FAT3: variants seen among roughly 807,000 people sequenced by gnomAD.
FAT3 encodes FAT atypical cadherin 3, also known as protocadherin Fat 3.
Under a neutral mutation model 310.2 loss-of-function variants are expected in FAT3, and 95 were observed. The ratio of observed to expected loss-of-function variants is 0.31; its 90% CI spans 0.26 to 0.36. FAT3 has a LOEUF of 0.36. FAT3 is among the 10% of genes least tolerant of loss of function. The pLI is 1.00. For missense variants in FAT3, 5,408 were observed against 5,715.6 expected (o/e 0.95, Z 1.74); for synonymous variants, 2,314 against 2,192.9 (o/e 1.06, Z -1.54).
At chr11:92,414,067 T>C (rs944086357) in intron 2 of FAT3, among the ~76,000 whole-genome samples, 5 of 152,122 alleles carry the variant, frequency 3.3e-5, no homozygotes, top group African/African-American at 1.2e-4. Context: ...GCGCCCTTCT[T>C]TGGTGGGTTG....
At chr11:92,856,006 G>T (rs1233238933) in intron 19 of FAT3, among the ~76,000 whole-genome samples, 1 of 144,800 alleles carries the variant, frequency 6.9e-6, no homozygotes, top group Non-Finnish European at 1.5e-5. Flanking sequence ...TTTGAGACAG[G>T]GTCTTGTTCT....
chr11:92,394,300 C>T (rs1949811976), intron 2 of FAT3, among the ~76,000 whole-genome samples: 1 of 152,092 alleles, frequency 6.6e-6, no homozygotes, highest in African/African-American at 2.4e-5. Context: ...AAAACCCTGT[C>T]TCTATGAAAA....
chr11:92,538,032 T>C (rs1954317685), intron 3 of FAT3, among the ~76,000 whole-genome samples: 1 of 152,114 alleles, frequency 6.6e-6, no homozygotes, highest in Non-Finnish European at 1.5e-5. Flanking sequence ...TATCTTTCAT[T>C]TGTGAAATTT....
chr11:92,551,263 A>G lies in FAT3; in HGVS notation c.3607+26315A>G, dbSNP rs549771462. Among the ~76,000 whole-genome samples, 222 of 152,106 alleles carry G rather than the reference A, an allele frequency of 1.5e-3. 1 individual carries two copies. The highest frequency in any genetic ancestry group is 2.9e-3 in the Non-Finnish European group (200 of 68,022). ...TACAAGGTTCAAACTTGCATTCTCT[A>G]GGGCTTTCTAAATCTCTCTACTCTG... On this transcript the variant is annotated intron_variant, in intron 3 of 27. Coordinates refer to ENST00000525166, the MANE Select transcript of FAT3 (RefSeq NM_001367949.2).
At chr11:92,742,943 C>A (rs1359379969) in intron 4 of FAT3, among the ~76,000 whole-genome samples, 1 of 151,988 alleles carries the variant, frequency 6.6e-6, no homozygotes, top group Admixed American at 6.6e-5. Context: ...ACACTGGAGG[C>A]TAAGAATAGC....
intron 3 of FAT3, among the ~76,000 whole-genome samples, chr11:92,653,208 A>ATG (rs201405947): frequency 0.017 from 2,240 of 134,680 alleles, 22 homozygotes; most frequent in Non-Finnish European, 0.026. Context: ...ACAAAAGTGT[A>ATG]TGTGTGTGTG....
intron 2 of FAT3, among the ~76,000 whole-genome samples, chr11:92,421,505 C>A (rs1187604624): frequency 6.6e-6 from 1 of 152,152 alleles, no homozygotes; most frequent in Non-Finnish European, 1.5e-5. Flanking sequence ...GTTTTATTGG[C>A]AAGTGACCGT....
intron 2 of FAT3, among the ~76,000 whole-genome samples, chr11:92,508,559 A>G (rs2135300712): frequency 6.6e-6 from 1 of 152,284 alleles, no homozygotes; most frequent in East Asian, 1.9e-4. Context: ...GTTCAAGTCC[A>G]TTCATTACAT....
chr11:92,566,015 T>C (rs1185811599), intron 3 of FAT3, among the ~76,000 whole-genome samples: 5 of 152,156 alleles, frequency 3.3e-5, no homozygotes, highest in African/African-American at 1.2e-4. Flanking sequence ...CTATTCAACA[T>C]AGTCTTGGAA....
chr11:92,387,850 G>A (rs1215145667), intron 2 of FAT3, among the ~76,000 whole-genome samples: 2 of 152,170 alleles, frequency 1.3e-5, no homozygotes, highest in Non-Finnish European at 2.9e-5. Context: ...TCTTCATGCA[G>A]ATCATCTCCT....
chr11:92,544,582 G>A (rs1001503160), intron 3 of FAT3, among the ~76,000 whole-genome samples: 4 of 152,132 alleles, frequency 2.6e-5, no homozygotes, highest in Non-Finnish European at 5.9e-5. Flanking sequence ...GACAAACTGT[G>A]TCTGCCATCA....
chr11:92,555,929 C>T (rs148273590), intron 3 of FAT3, among the ~76,000 whole-genome samples: 281 of 152,250 alleles, frequency 1.8e-3, no homozygotes, highest in Non-Finnish European at 2.9e-3. Context: ...TGGCTTGTGA[C>T]CAGGCAAGGT....
intron 3 of FAT3, among the ~76,000 whole-genome samples, chr11:92,628,847 AAAG>A (rs1476664451): frequency 1.3e-5 from 2 of 152,166 alleles, no homozygotes; most frequent in Admixed American, 6.5e-5. Context: ...GGATCTTCTG[AAAG>A]AAGAAGGGTG....
chr11:92,536,429 G>T (rs1432958854), intron 3 of FAT3, among the ~76,000 whole-genome samples: 4 of 152,064 alleles, frequency 2.6e-5, no homozygotes, highest in African/African-American at 9.7e-5. Flanking sequence ...CAGCTTCTTG[G>T]CCATGTGATG....
Position 92,581,124 on chromosome 11 carries a change from A to G in FAT3, c.3607+56176A>G, listed in dbSNP as rs138082531. The stretch of plus-strand genomic sequence containing the variant: ...TGGCTGTACTTCCCTTGCTTTTGTT[A>G]CAGTCCAAATACAAGTCTGGCCCTC... On this transcript the variant is annotated intron_variant, in intron 3 of 27. Coordinates refer to ENST00000525166, the MANE Select transcript of FAT3 (RefSeq NM_001367949.2). Among the ~76,000 whole-genome samples the G allele has an allele frequency of 1.3e-3, 201 of 152,036 alleles. 3 individuals are homozygous for G. The highest frequency in any genetic ancestry group is 4.7e-3 in the African/African-American group (193 of 41,478).
At chr11:92,815,424 T>A (rs1947797402) in intron 13 of FAT3, among the ~76,000 whole-genome samples, 1 of 151,882 alleles carries the variant, frequency 6.6e-6, no homozygotes, top group Non-Finnish European at 1.5e-5. Flanking sequence ...ATACAAAAAA[T>A]TCGCCGGGCG....
At chr11:92,271,910 T>C (rs1210130647) in intron 1 of FAT3, among the ~76,000 whole-genome samples, 1 of 152,128 alleles carries the variant, frequency 6.6e-6, no homozygotes, top group Non-Finnish European at 1.5e-5. Flanking sequence ...TTTTAACCAG[T>C]ATGTGACAAC....
At chr11:92,699,969 G>A (rs1944049157) in intron 4 of FAT3, among the ~76,000 whole-genome samples, 1 of 152,260 alleles carries the variant, frequency 6.6e-6, no homozygotes, top group South Asian at 2.1e-4. Flanking sequence ...AAATGCAGAA[G>A]GAGCCCCAGG....
chr11:92,559,126 C>T (rs1216154935), intron 3 of FAT3, among the ~76,000 whole-genome samples: 2 of 151,956 alleles, frequency 1.3e-5, no homozygotes, highest in South Asian at 2.1e-4. Flanking sequence ...TTTGTGTGTG[C>T]ATGTATTTTT....
Sources: allele counts gnomAD v4.1 joint callset (sites outside exome capture counted in the v4.1 genomes callset), GRCh38; gene constraint gnomAD v4.1.1; transcripts MANE v1.5; gene names NCBI Gene and HGNC (gene_info 2026-07-23, HGNC 2026-07-21).